The following CPPED1 variants were observed in gnomAD, a reference collection of about 807,000 sequenced individuals.
The protein encoded by CPPED1 is calcineurin like phosphoesterase domain containing 1.
A neutral mutation model predicts 28.0 loss-of-function variants in CPPED1; 28 were observed. That is an observed-to-expected ratio of 1.00 (90% CI 0.74 to 1.37). The LOEUF is 1.37. Ranked by LOEUF, CPPED1 falls within the 40% of genes most tolerant of loss-of-function variation. The pLI is 0.00. For missense variants in CPPED1, 504 were observed against 416.5 expected (o/e 1.21, Z -1.83); for synonymous variants, 198 against 180.2 (o/e 1.10, Z -0.79).
rs2080049419 is a variant in CPPED1 at position 12,706,194 on chromosome 16, A to C, written c.290-1145T>G. ...AGTTAATAATATAAGGCACAGAGGA[A>C]TAAAATCACACACAAATTTTTAAAA... On this transcript the variant is annotated intron_variant, in intron 2 of 3. Transcript: ENST00000381774. Among the ~76,000 whole-genome samples the C allele has an allele frequency of 5.3e-5, 8 of 152,218 alleles. No individual in the cohort carries two copies. In the South Asian group the frequency reaches 1.7e-3, roughly 32 times the overall value.
chr16:12,671,295 T>C (rs2079851591), intron 3 of CPPED1, among the ~76,000 whole-genome samples: 1 of 152,236 alleles, frequency 6.6e-6, no homozygotes, highest in Admixed American at 6.5e-5. Flanking sequence ...CCCTTAGTTT[T>C]TTCCTAATGT....
chr16:12,769,642 G>T (rs2080458739), intron 2 of CPPED1, among the ~76,000 whole-genome samples: 1 of 152,160 alleles, frequency 6.6e-6, no homozygotes, highest in African/African-American at 2.4e-5. Flanking sequence ...TGATTGCCTG[G>T]ATGATTTCAC....
intron 3 of CPPED1, among the ~76,000 whole-genome samples, chr16:12,699,898 C>G (rs201646112): frequency 6.6e-6 from 1 of 152,160 alleles, no homozygotes; most frequent in African/African-American, 2.4e-5. Flanking sequence ...ATCACTTGAA[C>G]TTCTGGCTCT....
At chr16:12,745,455 TGTG>T (rs1174237008) in intron 2 of CPPED1, among the ~76,000 whole-genome samples, 2 of 151,920 alleles carry the variant, frequency 1.3e-5, no homozygotes, top group Admixed American at 6.6e-5. Flanking sequence ...ATAAAGAAAA[TGTG>T]GTCCATATAC....
intron 2 of CPPED1, among the ~76,000 whole-genome samples, chr16:12,778,193 A>G (rs1450725765): frequency 6.6e-6 from 1 of 151,540 alleles, no homozygotes; most frequent in Non-Finnish European, 1.5e-5. Flanking sequence ...TACAGGTGTG[A>G]GCCACCATGC....
In CPPED1 at chr16:12,732,940, T is replaced by A. The variant is rs370422102; in HGVS notation, c.290-27891A>T. Among the ~76,000 whole-genome samples, 17 of 152,268 alleles carry A rather than the reference T, an allele frequency of 1.1e-4. No homozygotes were observed. In the East Asian group the frequency reaches 3.1e-3, roughly 28 times the overall value. The stretch of plus-strand genomic sequence containing the variant: ...AGAGAAGCACAGATGGTTCCTAGAC[T>A]AGACACAGAAATCCTAAGATCACAG... On this transcript the variant is annotated intron_variant, in intron 2 of 3. Transcript: ENST00000381774.
At chr16:12,734,091 G>C (rs545214182) in intron 2 of CPPED1, among the ~76,000 whole-genome samples, 51 of 77,542 alleles carry the variant, frequency 6.6e-4, no homozygotes, top group African/African-American at 3.3e-3. Context: ...TTTTTTTTGA[G>C]ACGAGTCATG....
intron 1 of CPPED1, among the ~76,000 whole-genome samples, chr16:12,799,770 TCAG>T (rs2080648168): frequency 6.6e-6 from 1 of 152,208 alleles, no homozygotes. Flanking sequence ...CCTGGGGTTC[TCAG>T]CAGAACACTC....
In CPPED1 at chr16:12,803,850, C is replaced by G. The variant is rs921327881; in HGVS notation, c.-74G>C. 12 of 1,410,786 alleles carry G rather than the reference C, an allele frequency of 8.5e-6. No individual in the cohort carries two copies. In the East Asian group the frequency reaches 2.5e-4, roughly 30 times the overall value. The allele number at this position is 1,410,786 out of a possible 1,614,324, so 87.4% of individuals were successfully genotyped here. On this transcript the variant is annotated 5_prime_UTR_variant, in exon 1 of 4. Transcript: ENST00000381774. ...CGCGCGACTTCACACAGAACAACCG[C>G]TGGACCTGTCCCGCTTTGGGCGACG...
intron 2 of CPPED1, among the ~76,000 whole-genome samples, chr16:12,772,128 C>A (rs1295548110): frequency 1.3e-5 from 2 of 151,284 alleles, no homozygotes; most frequent in East Asian, 3.9e-4. Context: ...GTCTGAAAAA[C>A]AAAACAAAAC....
intron 2 of CPPED1, among the ~76,000 whole-genome samples, chr16:12,714,209 T>C (rs1254380811): frequency 6.6e-6 from 1 of 152,244 alleles, no homozygotes; most frequent in East Asian, 1.9e-4. Flanking sequence ...TTGTTTCTAC[T>C]TTCTGGCTAT....
chr16:12,768,866 T>C (rs1427193505), intron 2 of CPPED1, among the ~76,000 whole-genome samples: 1 of 142,810 alleles, frequency 7.0e-6, no homozygotes, highest in Non-Finnish European at 1.6e-5. Context: ...TTTTTCTTTT[T>C]CTTTTTTTTT....
chr16:12,786,861 G>A (rs1457311807), intron 1 of CPPED1, among the ~76,000 whole-genome samples: 6 of 152,186 alleles, frequency 3.9e-5, no homozygotes, highest in Non-Finnish European at 8.8e-5. Flanking sequence ...GCAGTGAGCC[G>A]AGATCGTGCC....
At chr16:12,678,281 C>T (rs1441250476) in intron 3 of CPPED1, among the ~76,000 whole-genome samples, 1 of 152,200 alleles carries the variant, frequency 6.6e-6, no homozygotes, top group Non-Finnish European at 1.5e-5. Context: ...GAGCATCTGT[C>T]CTGACGGTCA....
chr16:12,755,004 T>C (rs1329236166), intron 2 of CPPED1, among the ~76,000 whole-genome samples: 2 of 152,084 alleles, frequency 1.3e-5, no homozygotes, highest in Non-Finnish European at 2.9e-5. Flanking sequence ...GAGAGATCTG[T>C]TGTACAAAAA....
At chr16:12,720,449 G>A (rs963699554) in intron 2 of CPPED1, 79 of 153,866 alleles carry the variant, frequency 5.1e-4, no homozygotes, top group African/African-American at 1.9e-3. Flanking sequence ...CTTGTTTTCT[G>A]TACCTTTACC....
intron 2 of CPPED1, among the ~76,000 whole-genome samples, chr16:12,742,491 A>G (rs1277549330): frequency 1.3e-5 from 2 of 152,246 alleles, no homozygotes; most frequent in Non-Finnish European, 2.9e-5. Context: ...GCAAAAACAT[A>G]AAATCTATCT....
intron 3 of CPPED1, among the ~76,000 whole-genome samples, chr16:12,671,689 G>A (rs569560819): frequency 3.9e-5 from 6 of 152,280 alleles, no homozygotes; most frequent in African/African-American, 1.2e-4. Context: ...AATGATGAAC[G>A]CCATATATGA....
At chr16:12,739,050 G>C (rs1348503268) in intron 2 of CPPED1, among the ~76,000 whole-genome samples, 2 of 152,082 alleles carry the variant, frequency 1.3e-5, no homozygotes, top group African/African-American at 4.8e-5. Flanking sequence ...ATTGAGTCTT[G>C]GGTCTGCTGC....
Sources: allele counts gnomAD v4.1 joint callset (sites outside exome capture counted in the v4.1 genomes callset), GRCh38; gene constraint gnomAD v4.1.1; transcripts MANE v1.5; gene names NCBI Gene and HGNC (gene_info 2026-07-23, HGNC 2026-07-21).